TRABD2B: variants seen among roughly 807,000 people sequenced by gnomAD.
TRABD2B encodes TraB domain containing 2B.
TRABD2B carries 14 observed loss-of-function variants against 40.1 expected under a neutral mutation model. The ratio of observed to expected loss-of-function variants is 0.35; its 90% CI spans 0.23 to 0.55. TRABD2B has a LOEUF of 0.55. TRABD2B is among the 20% of genes least tolerant of loss of function. The pLI is 0.90. For missense variants in TRABD2B, 541 were observed against 648.6 expected (o/e 0.83, Z 1.80); for synonymous variants, 263 against 277.0 (o/e 0.95, Z 0.50).
rs920709637 is a variant in TRABD2B, at chr1:47,864,465, TAA to T, written c.667-62848_667-62847del. Reference sequence around the variant, plus strand: ...TGTTGTTGTAAACCTAAAACTGCTCTAAAAAAAAAAAAGTCTTACAAAAAGGT... The same window carrying T: ...TGTTGTTGTAAACCTAAAACTGCTCTAAAAAAAAAAGTCTTACAAAAAGGT... On this transcript the variant is annotated intron_variant, in intron 2 of 6. Coordinates refer to ENST00000606738, the MANE Select transcript of TRABD2B (RefSeq NM_001194986.2). 2.8e-5 allele frequency among the ~76,000 whole-genome samples: 4 copies of T among 144,956 alleles called. No individual in the cohort carries two copies. In the East Asian group the frequency reaches 5.9e-4, roughly 22 times the overall value.
intron 2 of TRABD2B, among the ~76,000 whole-genome samples, chr1:47,897,020 A>T (rs540396290): frequency 6.6e-6 from 1 of 152,174 alleles, no homozygotes. Context: ...CTCACAAGGT[A>T]TTGGATGTGA....
At chr1:47,781,420 C>G (rs1233477911) in intron 4 of TRABD2B, among the ~76,000 whole-genome samples, 2 of 152,184 alleles carry the variant, frequency 1.3e-5, no homozygotes, top group Non-Finnish European at 2.9e-5. Flanking sequence ...AGAGGAGACA[C>G]TTAGAGGGCC....
At chr1:47,846,539 C>T (rs1457672068) in intron 2 of TRABD2B, among the ~76,000 whole-genome samples, 5 of 152,164 alleles carry the variant, frequency 3.3e-5, no homozygotes, top group African/African-American at 2.4e-5. Context: ...TTGTGACCCT[C>T]ACGTCTGAGG....
intron 2 of TRABD2B, among the ~76,000 whole-genome samples, chr1:47,882,959 C>T (rs1259836672): frequency 1.3e-5 from 2 of 152,122 alleles, no homozygotes; most frequent in East Asian, 1.9e-4. Flanking sequence ...TCTCGCAGTA[C>T]CATGTGGTAA....
intron 2 of TRABD2B, among the ~76,000 whole-genome samples, chr1:47,833,060 C>T (rs1645271516): frequency 1.3e-5 from 2 of 152,214 alleles, no homozygotes; most frequent in Non-Finnish European, 2.9e-5. Context: ...AGGATTGACT[C>T]CCAGGCTTGT....
chr1:47,972,399 G>A (rs1645693817), intron 2 of TRABD2B, among the ~76,000 whole-genome samples: 1 of 151,674 alleles, frequency 6.6e-6, no homozygotes, highest in Admixed American at 6.6e-5. Flanking sequence ...AAATTCATGT[G>A]CTGAAATTCT....
chr1:47,876,125 A>G (rs985544494), intron 2 of TRABD2B, among the ~76,000 whole-genome samples: 3 of 152,204 alleles, frequency 2.0e-5, no homozygotes, highest in African/African-American at 7.2e-5. Flanking sequence ...AACAGGAATG[A>G]AAAGAAGTGT....
Position 47,936,925 on chromosome 1 carries a change from CCAT to C in TRABD2B, c.666+57106_666+57108del, listed in dbSNP as rs564360220. Among the ~76,000 whole-genome samples the C allele has an allele frequency of 2.1e-3, 299 of 140,840 alleles. 3 individuals are homozygous for C. The highest frequency in any genetic ancestry group is 2.7e-3 in the Non-Finnish European group (174 of 63,738). The allele number at this position is 140,840 out of a possible 152,430, so 92.4% of individuals were successfully genotyped here. ...ATCATGATCATCACCATCACCACCA[CCAT>C]AATTATCACCATCACCATCATCACC... is the stretch of plus-strand genomic sequence containing the variant. On this transcript the variant is annotated intron_variant, in intron 2 of 6. Transcript: ENST00000606738.
chr1:47,987,624 A>C (rs1645937872), intron 2 of TRABD2B, among the ~76,000 whole-genome samples: 1 of 152,202 alleles, frequency 6.6e-6, no homozygotes, highest in Non-Finnish European at 1.5e-5. Flanking sequence ...TTAAATATTA[A>C]GACACGAATG....
intron 2 of TRABD2B, among the ~76,000 whole-genome samples, chr1:47,868,728 T>C (rs577321901): frequency 6.6e-6 from 1 of 152,194 alleles, no homozygotes. Flanking sequence ...ACCAAACTGG[T>C]CCCTGGTGCC....
intron 2 of TRABD2B, among the ~76,000 whole-genome samples, chr1:47,978,748 C>T (rs887707181): frequency 6.6e-6 from 1 of 152,222 alleles, no homozygotes; most frequent in African/African-American, 2.4e-5. Context: ...CGCCACTTCA[C>T]ACTGCGGCCC....
chr1:47,915,736 T>C (rs1035035250), intron 2 of TRABD2B, among the ~76,000 whole-genome samples: 9 of 152,142 alleles, frequency 5.9e-5, no homozygotes, highest in African/African-American at 1.9e-4. Context: ...CTGGCTCCTC[T>C]CGCCTTTGGG....
chr1:47,928,694 T>A (rs936272209), intron 2 of TRABD2B, among the ~76,000 whole-genome samples: 1 of 152,236 alleles, frequency 6.6e-6, no homozygotes, highest in Non-Finnish European at 1.5e-5. Flanking sequence ...TCTGCAAACA[T>A]CATCAGTTAC....
At chr1:47,968,024 C>T (rs1203422825) in intron 2 of TRABD2B, among the ~76,000 whole-genome samples, 5 of 152,196 alleles carry the variant, frequency 3.3e-5, no homozygotes, top group Admixed American at 6.5e-5. Flanking sequence ...GAAGATGAGA[C>T]TGATTGTAAT....
intron 2 of TRABD2B, among the ~76,000 whole-genome samples, chr1:47,833,722 T>C (rs181840969): frequency 3.0e-4 from 45 of 152,336 alleles, no homozygotes; most frequent in South Asian, 1.2e-3. Context: ...TTCTCTTACA[T>C]CCAGCTTGCC....
In TRABD2B at chr1:47,813,618, A is replaced by G. The variant is rs1389346173; in HGVS notation, c.667-11999T>C. Among the ~76,000 whole-genome samples the G allele has an allele frequency of 1.3e-5, 2 of 152,146 alleles. No homozygotes were observed. Among genetic ancestry groups the G allele is most frequent in the Non-Finnish European group, 2.9e-5 (2 of 68,026 alleles). On this transcript the variant is annotated intron_variant, in intron 2 of 6. Coordinates refer to ENST00000606738, the MANE Select transcript of TRABD2B (RefSeq NM_001194986.2). This position sits in a 1 kb window ranked among gnomAD's most constrained non-coding sequence, Gnocchi z 4.3. ...CTTACCCATCTGCCAAGTGGGGTGT[A>G]TATTTGTCCTGCCTGCTTGAGACTA...
chr1:47,842,203 C>T (rs77318882), intron 2 of TRABD2B, among the ~76,000 whole-genome samples: 3,587 of 152,310 alleles, frequency 0.024, 112 homozygotes, highest in Admixed American at 0.094. Flanking sequence ...AGCTTTTCCC[C>T]ATCTAGACTC....
intron 2 of TRABD2B, among the ~76,000 whole-genome samples, chr1:47,874,906 A>G (rs1644202133): frequency 1.3e-5 from 2 of 152,082 alleles, no homozygotes; most frequent in Admixed American, 1.3e-4. Context: ...TAGACAGGAA[A>G]AAACTGAGGT....
chr1:47,829,998 C>G (rs1055257166), intron 2 of TRABD2B, among the ~76,000 whole-genome samples: 3 of 152,048 alleles, frequency 2.0e-5, no homozygotes, highest in Non-Finnish European at 2.9e-5. Context: ...CTGCCACCCC[C>G]CAAGCCTCTT....
Sources: allele counts gnomAD v4.1 joint callset (sites outside exome capture counted in the v4.1 genomes callset), GRCh38; gene constraint gnomAD v4.1.1; non-coding constraint Gnocchi (gnomAD v3.1); transcripts MANE v1.5; gene names NCBI Gene and HGNC (gene_info 2026-07-23, HGNC 2026-07-21).